CDK8: variants seen among roughly 807,000 people sequenced by gnomAD.
The protein encoded by CDK8 is cyclin-dependent kinase 8.
CDK8 carries 29 observed loss-of-function variants against 71.5 expected under a neutral mutation model. The observed-to-expected ratio is 0.41, with a 90% CI of 0.30 to 0.55. CDK8 has a LOEUF of 0.55. Among genes scored for constraint, CDK8 ranks in the 20% least tolerant of loss-of-function variants. CDK8 has a pLI of 0.37. For missense variants in CDK8, 288 were observed against 572.6 expected (o/e 0.50, Z 5.07); for synonymous variants, 161 against 192.1 (o/e 0.84, Z 1.34).
chr13:26,254,351 G>C lies in CDK8; in HGVS notation c.-291G>C. On this transcript the variant is annotated 5_prime_UTR_variant, in exon 1 of 13. Transcript: ENST00000381527. This position sits in a 1 kb window ranked among gnomAD's most constrained non-coding sequence, Gnocchi z 6.7. ...GCGCCCAGGGAGCCCGCGGGGACAA[G>C]GGCAGAGACACCGCTCCCCACCCCC... 1 of 290,732 alleles carries C rather than the reference G, an allele frequency of 3.4e-6. No homozygotes were observed. The highest frequency in any genetic ancestry group is 6.6e-6 in the Non-Finnish European group (1 of 152,360). 18.0% of individuals were successfully genotyped at this position (290,732 alleles called of 1,614,324 possible). A position where few individuals can be genotyped will look rare whatever the true frequency, so the allele number is the denominator to read the frequency against.
At chr13:26,393,268 T>G (rs1875835675) in intron 6 of CDK8, 99 bp from the exon 7 acceptor site, 3 of 702,330 alleles carry the variant, frequency 4.3e-6, no homozygotes, top group Non-Finnish European at 6.8e-6. Flanking sequence ...AAAATAAAAT[T>G]GCATTTTCTT....
At chr13:26,396,157 T>C (rs1875982101) in intron 7 of CDK8, 128 bp from the exon 8 acceptor site, 2 of 400,118 alleles carry the variant, frequency 5.0e-6, no homozygotes, top group Middle Eastern at 3.5e-4. Context: ...TGAACATTTA[T>C]TTGAAGACAG....
chr13:26,356,834 T>A (rs1873918540), intron 4 of CDK8, among the ~76,000 whole-genome samples: 1 of 152,192 alleles, frequency 6.6e-6, no homozygotes, highest in Non-Finnish European at 1.5e-5. Flanking sequence ...AAACAAAAAT[T>A]AATAGTTCAT....
At chr13:26,274,387 G>A (rs192572598) in intron 1 of CDK8, among the ~76,000 whole-genome samples, 38 of 150,092 alleles carry the variant, frequency 2.5e-4, no homozygotes, top group Non-Finnish European at 4.3e-4. Context: ...ATTTCTTTTC[G>A]GAATTACCCA....
intron 2 of CDK8, among the ~76,000 whole-genome samples, chr13:26,346,872 A>G (rs1873480788): frequency 6.6e-6 from 1 of 152,222 alleles, no homozygotes; most frequent in Non-Finnish European, 1.5e-5. Flanking sequence ...GTTTACTTCA[A>G]AGCCCCCAAT....
At chr13:26,308,081 C>T (rs1874122073) in intron 1 of CDK8, among the ~76,000 whole-genome samples, 1 of 152,158 alleles carries the variant, frequency 6.6e-6, no homozygotes, top group African/African-American at 2.4e-5. Context: ...CTGACTTATC[C>T]TTAAACAGTT....
intron 4 of CDK8, among the ~76,000 whole-genome samples, chr13:26,354,988 A>C (rs1479198167): frequency 6.6e-6 from 1 of 152,230 alleles, no homozygotes. Context: ...ACAATGCTAA[A>C]AGTGATTATT....
At chr13:26,297,685 G>A (rs1873622092) in intron 1 of CDK8, among the ~76,000 whole-genome samples, 1 of 152,126 alleles carries the variant, frequency 6.6e-6, no homozygotes, top group Non-Finnish European at 1.5e-5. Context: ...ATGTCTCCAG[G>A]TTTCAGATCA....
At chr13:26,258,805 G>A (rs969483596) in intron 1 of CDK8, among the ~76,000 whole-genome samples, 2 of 152,100 alleles carry the variant, frequency 1.3e-5, no homozygotes, top group Non-Finnish European at 2.9e-5. Flanking sequence ...AGATGATGGT[G>A]CATTTCCATA....
At chr13:26,323,741 A>T (rs188415430) in intron 1 of CDK8, among the ~76,000 whole-genome samples, 26 of 152,112 alleles carry the variant, frequency 1.7e-4, no homozygotes, top group African/African-American at 6.3e-4. Context: ...TTTAAATAAA[A>T]TTTTTCTACT....
chr13:26,257,577 A>T (rs1329939951), intron 1 of CDK8, among the ~76,000 whole-genome samples: 1 of 152,128 alleles, frequency 6.6e-6, no homozygotes, highest in Non-Finnish European at 1.5e-5. Flanking sequence ...TGAACACTTA[A>T]AGAGTACTCA....
At chr13:26,285,895 CAATA>C (rs60315518) in intron 1 of CDK8, among the ~76,000 whole-genome samples, 15,842 of 151,926 alleles carry the variant, frequency 0.1, 2,407 homozygotes, top group African/African-American at 0.34. Flanking sequence ...ACAACAGCTG[CAATA>C]AATAAATAAA....
chr13:26,399,512 C>T (rs540535218), intron 9 of CDK8, among the ~76,000 whole-genome samples: 4 of 152,204 alleles, frequency 2.6e-5, no homozygotes, highest in South Asian at 2.1e-4. Flanking sequence ...TCCTAAAGTC[C>T]GAAAGCCACT....
At chr13:26,278,720 A>T (rs370953494) in intron 1 of CDK8, among the ~76,000 whole-genome samples, 3 of 152,282 alleles carry the variant, frequency 2.0e-5, no homozygotes, top group East Asian at 1.9e-4. Context: ...AGAGGTTTTT[A>T]TTGGCCAGAT....
At chr13:26,256,889 A>C (rs1383200535) in intron 1 of CDK8, among the ~76,000 whole-genome samples, 11 of 152,186 alleles carry the variant, frequency 7.2e-5, no homozygotes, top group Admixed American at 3.3e-4. Context: ...TTTTAAAATT[A>C]CTATCTTTTA....
intron 1 of CDK8, among the ~76,000 whole-genome samples, chr13:26,268,302 C>CAG (rs1872132708): frequency 7.8e-6 from 1 of 127,420 alleles, no homozygotes; most frequent in Non-Finnish European, 1.8e-5. Flanking sequence ...CACACACACA[C>CAG]ACACACAGTC....
chr13:26,362,671 A>G (rs943564882), intron 4 of CDK8, among the ~76,000 whole-genome samples: 9 of 152,092 alleles, frequency 5.9e-5, no homozygotes, highest in African/African-American at 1.4e-4. Context: ...ACTTTAGTCT[A>G]CTGTTTCAAA....
At chr13:26,301,101 A>G (rs147702495) in intron 1 of CDK8, among the ~76,000 whole-genome samples, 1 of 151,676 alleles carries the variant, frequency 6.6e-6, no homozygotes, top group Non-Finnish European at 1.5e-5. Flanking sequence ...AGTCCTTTTC[A>G]CTTCTGCAGC....
chr13:26,289,551 C>CTTGT (rs972940531), intron 1 of CDK8, among the ~76,000 whole-genome samples: 1 of 151,806 alleles, frequency 6.6e-6, no homozygotes, highest in Non-Finnish European at 1.5e-5. Flanking sequence ...TTGAAATTTG[C>CTTGT]TTGTTTGTTT....
Sources: allele counts gnomAD v4.1 joint callset (sites outside exome capture counted in the v4.1 genomes callset), GRCh38; gene constraint gnomAD v4.1.1; non-coding constraint Gnocchi (gnomAD v3.1); transcripts MANE v1.5; gene names NCBI Gene and HGNC (gene_info 2026-07-23, HGNC 2026-07-21).